The following PAX2 variants were observed in gnomAD, a reference collection of about 807,000 sequenced individuals.
PAX2 encodes paired box protein Pax-2.
A neutral mutation model predicts 41.7 loss-of-function variants in PAX2; 9 were observed. The ratio of observed to expected loss-of-function variants is 0.22; its 90% confidence interval spans 0.13 to 0.38. PAX2 has a LOEUF of 0.38. Among genes scored for constraint, PAX2 ranks in the 10% least tolerant of loss-of-function variants. The pLI is 1.00. For missense variants in PAX2, 418 were observed against 531.6 expected, an observed-to-expected ratio of 0.79 and a Z score of 2.10; for synonymous variants, 221 against 212.7, an observed-to-expected ratio of 1.04 and a Z score of -0.34.
intron 1 of PAX2, among the ~76,000 whole-genome samples, chr10:100,739,242 C>T (rs1347284549): frequency 1.3e-5 from 2 of 152,312 alleles, no homozygotes; most frequent in Admixed American, 6.5e-5. Context: ...GCCAGCCGCT[C>T]TCGCCCCTGG....
chr10:100,817,248 T>G (rs1848219422), intron 7 of PAX2, among the ~76,000 whole-genome samples: 1 of 152,194 alleles, frequency 6.6e-6, no homozygotes, highest in Admixed American at 6.5e-5. Context: ...GGAAGAGGAC[T>G]GGAAATGTCT....
intron 3 of PAX2, among the ~76,000 whole-genome samples, chr10:100,754,937 A>G (rs578147966): frequency 6.6e-6 from 1 of 152,166 alleles, no homozygotes; most frequent in Non-Finnish European, 1.5e-5. Context: ...GAGAGTTCAG[A>G]AAAAGACTTC....
intron 3 of PAX2, among the ~76,000 whole-genome samples, chr10:100,758,718 C>G (rs1355570649): frequency 6.6e-6 from 1 of 152,246 alleles, no homozygotes; most frequent in Non-Finnish European, 1.5e-5. Context: ...AAACTCTCTG[C>G]TGACCGAATA....
At chr10:100,746,685 G>C (rs928449291) in intron 1 of PAX2, among the ~76,000 whole-genome samples, 1 of 152,168 alleles carries the variant, frequency 6.6e-6, no homozygotes, top group African/African-American at 2.4e-5. Context: ...AGTTTTCAGG[G>C]TGTTGTTTTG....
intron 6 of PAX2, 149 bp downstream of exon 6, chr10:100,806,754 A>G: frequency 1.3e-6 from 1 of 776,162 alleles, no homozygotes; most frequent in East Asian, 2.4e-5. Context: ...GAACAGGCTC[A>G]CATGAGACAG....
rs780203781 is a variant in PAX2, at chr10:100,827,591, CT to C, written c.1158del (p.Ala387LeufsTer30). 12 of 1,613,916 alleles carry C rather than the reference CT, an allele frequency of 7.4e-6. No individual in the cohort carries two copies. The highest frequency in any genetic ancestry group is 1.0e-5 in the Non-Finnish European group (12 of 1,179,814). ...GCCCCCCGGGGCTCCGCCCCTGCCG[CT>C]GCTGCCGCTGCCTATGACCGCCACT... ...SAAPRGSAPA[A>X]AAAAYDRH On this transcript the variant is annotated frameshift_variant, in exon 10 of 10. Transcript: ENST00000355243. LOFTEE classifies it high-confidence loss of function. This position sits in a 1 kb window ranked among gnomAD's most constrained non-coding sequence, Gnocchi z 8.5.
chr10:100,766,724 T>A (rs1475037241), intron 3 of PAX2, among the ~76,000 whole-genome samples: 21 of 152,164 alleles, frequency 1.4e-4, no homozygotes, highest in Admixed American at 1.4e-3. Flanking sequence ...GCAGTGCAAA[T>A]GACCAGGCCA....
intron 5 of PAX2, among the ~76,000 whole-genome samples, chr10:100,792,091 A>T (rs529946466): frequency 3.3e-5 from 5 of 152,240 alleles, no homozygotes; most frequent in Non-Finnish European, 7.3e-5. Context: ...ACAGCCACTG[A>T]AGATAATTAT....
Position 100,829,804 on chromosome 10 carries a change from C to CCTAA in PAX2, c.*2187_*2190dup, listed in dbSNP as rs1216706536. The CCTAA allele has an allele frequency of 1.5e-5, 3 of 202,416 alleles. No individual in the cohort carries two copies. Among genetic ancestry groups the CCTAA allele is most frequent in the Non-Finnish European group, 3.1e-5 (3 of 98,214 alleles). The allele number at this position is 202,416 out of a possible 1,614,324, so 12.5% of individuals were successfully genotyped here. ...CAGAGACCCCGGACCCAGGCCCAGG[C>CCTAA]CTAACCTGCTAAATGTCCCCGGACG... On this transcript the variant is annotated 3_prime_UTR_variant, in exon 10 of 10. Coordinates refer to ENST00000355243, the MANE Select transcript of PAX2 (RefSeq NM_000278.5).
intron 1 of PAX2, among the ~76,000 whole-genome samples, chr10:100,740,283 G>A (rs1024132780): frequency 4.6e-5 from 7 of 152,140 alleles, no homozygotes; most frequent in Non-Finnish European, 7.3e-5. Context: ...TGGGGGGTGG[G>A]CAGTGAGGAA....
At chr10:100,744,875 C>A (rs985295868), upstream of PAX2, among the ~76,000 whole-genome samples, 2 of 152,188 alleles carry the variant, frequency 1.3e-5, no homozygotes, top group South Asian at 2.1e-4. Context: ...GGAGGCCCTG[C>A]GCACAGTCGC....
At chr10:100,820,555 C>A (rs1411069212) in intron 7 of PAX2, among the ~76,000 whole-genome samples, 1 of 152,110 alleles carries the variant, frequency 6.6e-6, no homozygotes, top group East Asian at 1.9e-4. Flanking sequence ...CCTGTCTCTA[C>A]TAAAAATACA....
At chr10:100,786,633 T>C (rs1249795394) in intron 5 of PAX2, among the ~76,000 whole-genome samples, 2 of 152,134 alleles carry the variant, frequency 1.3e-5, no homozygotes, top group African/African-American at 4.8e-5. Flanking sequence ...CGGGTGTGAC[T>C]GTGTGAGCGG....
intron 1 of PAX2, chr10:100,749,209 G>T (rs1294374330): frequency 1.0e-6 from 1 of 988,984 alleles, no homozygotes; most frequent in Non-Finnish European, 1.2e-6. Context: ...GAGAGCAAAG[G>T]GGGGTGTGTG....
In PAX2 at chr10:100,748,545, G is replaced by C; in HGVS notation, c.44-1201G>C. ...TTGCCAGTCCGGGCCGACCCGACTC[G>C]GCCGCTAGAAGTCTCTGCGCTTGGA... On this transcript the variant is annotated intron_variant, in intron 1 of 9. Transcript: ENST00000355243. The surrounding 1 kb of genome is among the most constrained non-coding windows in gnomAD (Gnocchi z 5.0). 1.0e-6 allele frequency: 1 copy of C among 985,368 alleles called. No individual in the cohort carries two copies. The highest frequency in any genetic ancestry group is 1.2e-6 in the Non-Finnish European group (1 of 829,920). 61.0% of individuals were successfully genotyped at this position (985,368 alleles called of 1,614,324 possible).
At chr10:100,779,642 G>A (rs1042543739) in intron 4 of PAX2, 59 bp downstream of exon 4, 22 of 1,340,990 alleles carry the variant, frequency 1.6e-5, no homozygotes, top group Non-Finnish European at 2.1e-5. Flanking sequence ...GGCAGGAAAC[G>A]CAGCTCCACC....
At chr10:100,805,018 T>TA (rs1564736158) in intron 5 of PAX2, among the ~76,000 whole-genome samples, 4 of 32,880 alleles carry the variant, frequency 1.2e-4, no homozygotes, top group African/African-American at 6.4e-4. Flanking sequence ...TCTCTCTCTC[T>TA]CACATACACA....
Position 100,750,962 on chromosome 10 carries a change from C to G in PAX2, c.410+71C>G. 1 of 1,159,578 alleles carries G rather than the reference C, an allele frequency of 8.6e-7. No homozygotes were observed. Among genetic ancestry groups the G allele is most frequent in the Non-Finnish European group, 1.3e-6 (1 of 771,670 alleles). 71.8% of individuals were successfully genotyped at this position (1,159,578 alleles called of 1,614,324 possible). ...CTCCTGCCTGCAGGGGTGTCCCACG[C>G]CCAGTCTCTGCTCTTTGTCCAGCCT... On this transcript the variant is annotated intron_variant, in intron 3 of 9. Coordinates refer to ENST00000355243, the MANE Select transcript of PAX2 (RefSeq NM_000278.5). This position sits in a 1 kb window ranked among gnomAD's most constrained non-coding sequence, Gnocchi z 4.1.
chr10:100,791,621 T>C lies in PAX2; in HGVS notation c.616+10256T>C, dbSNP rs1847122576. Among the ~76,000 whole-genome samples the C allele has an allele frequency of 6.6e-6, 1 of 152,112 alleles. No individual in the cohort carries two copies. Among genetic ancestry groups the C allele is most frequent in the Non-Finnish European group, 1.5e-5 (1 of 68,010 alleles). On this transcript the variant is annotated intron_variant, in intron 5 of 9. Transcript: ENST00000355243. The surrounding 1 kb of genome is among the most constrained non-coding windows in gnomAD (Gnocchi z 4.5). ...GTGAGCAGGAGAGCAAGCGAGCCAG[T>C]GACAGAGGGAGAGATGCGCGGACAC...
Sources: gnomAD v4.1 joint callset for allele counts (sites outside exome capture counted in the v4.1 genomes callset) on GRCh38, gnomAD v4.1.1 for gene constraint, Gnocchi (gnomAD v3.1) non-coding constraint, MANE v1.5 for transcripts, NCBI Gene and HGNC (gene_info 2026-07-23, HGNC 2026-07-21) for gene names.